The following PLVAP variants were observed in gnomAD, a reference collection of about 807,000 sequenced individuals.
PLVAP encodes plasmalemma vesicle-associated protein.
A neutral mutation model predicts 43.1 loss-of-function variants in PLVAP; 34 were observed. The ratio of observed to expected loss-of-function variants is 0.79; its 90% CI spans 0.60 to 1.05. The LOEUF (loss-of-function observed/expected upper bound fraction) is 1.05. Among genes scored for constraint, PLVAP ranks in the 50% least tolerant of loss-of-function variants. PLVAP has a pLI of 0.00. For missense variants in PLVAP, 574 were observed against 593.4 expected (o/e 0.97, Z 0.34); for synonymous variants, 241 against 237.3 (o/e 1.02, Z -0.14).
intron 5 of PLVAP, among the ~76,000 whole-genome samples, chr19:17,358,279 AAAG>A (rs1209903611): frequency 5.3e-5 from 8 of 149,762 alleles, no homozygotes; most frequent in East Asian, 1.9e-4. Context: ...AAAAAAAAAA[AAAG>A]AAGAAGAGGT....
Position 17,355,225 on chromosome 19 carries a change from A to AAATTAATAAT in PLVAP, c.1323-2858_1323-2857insATTATTAATT, listed in dbSNP as rs201326616. Among the ~76,000 whole-genome samples the AAATTAATAAT allele has an allele frequency of 5.0e-5, 7 of 139,544 alleles. No individual in the cohort carries two copies. The East Asian group carries it at 8.1e-4, about 16-fold the overall frequency. 91.5% of individuals were successfully genotyped at this position (139,544 alleles called of 152,430 possible). ...GGTGGCAGAGTGAGACTCCATCTCAAAATAATAATAATAATAATAATAATA... is the reference window on the plus strand; with the variant it reads ...GGTGGCAGAGTGAGACTCCATCTCAAAATTAATAATAATAATAATAATAATAATAATAATA... On this transcript the variant is annotated intron_variant, in intron 5 of 5. Transcript: ENST00000252590.
intron 5 of PLVAP, among the ~76,000 whole-genome samples, chr19:17,355,261 T>TAATAATAATAATAATAAA (rs1397143366): frequency 7.5e-5 from 11 of 145,886 alleles, no homozygotes; most frequent in African/African-American, 2.5e-4. Context: ...ATAATAATAA[T>TAATAATAATAATAATAAA]AAAATAAATA....
intron 1 of PLVAP, among the ~76,000 whole-genome samples, chr19:17,372,646 C>A (rs1291897949): frequency 6.7e-6 from 1 of 149,304 alleles, no homozygotes; most frequent in Non-Finnish European, 1.5e-5. Context: ...TTAGTAGAGA[C>A]GGGGTTTCAC....
chr19:17,360,682 C>A, intron 4 of PLVAP, 73 bp from the exon 5 acceptor site: 3 of 1,579,098 alleles, frequency 1.9e-6, no homozygotes, highest in Non-Finnish European at 2.6e-6. Flanking sequence ...GATGGGCTGG[C>A]AGCCCAGGGG....
At chr19:17,353,107 G>A (rs2074492764) in intron 5 of PLVAP, among the ~76,000 whole-genome samples, 1 of 152,180 alleles carries the variant, frequency 6.6e-6, no homozygotes, top group Admixed American at 6.5e-5. Context: ...GTTTCCTGCT[G>A]GGGGAGGAGG....
intron 5 of PLVAP, among the ~76,000 whole-genome samples, chr19:17,355,593 AT>A (rs1445514705): frequency 1.3e-5 from 2 of 150,972 alleles, no homozygotes; most frequent in African/African-American, 2.4e-5. Flanking sequence ...CAGTGGTGCA[AT>A]CTCAGCTCAC....
At position 17,365,570 on chromosome 19, in the gene PLVAP, G is replaced by A; in HGVS notation, c.895C>T (p.Arg299Cys). The change falls in exon 3 of 6, where the codon CGC becomes TGC. Residue 299 changes from arginine to cysteine, a missense_variant. Physicochemically the swap from Arg to Cys is radical, Grantham distance 180. Coordinates refer to ENST00000252590, the MANE Select transcript of PLVAP (RefSeq NM_031310.3). The stretch of plus-strand genomic sequence containing the variant: ...TGGCGTTGGAGGTCTGAGTTCTCGC[G>A]GGCCACGCGTTCGATATCCGCCCGG... ...SLRADIERVA[R>C]ENSDLQRQKL... The A allele has an allele frequency of 9.3e-6, 15 of 1,612,070 alleles. No individual in the cohort carries two copies. The highest frequency in any genetic ancestry group is 1.2e-5 in the Non-Finnish European group (14 of 1,180,006).
At chr19:17,357,767 A>G (rs968425105) in intron 5 of PLVAP, among the ~76,000 whole-genome samples, 12 of 152,218 alleles carry the variant, frequency 7.9e-5, no homozygotes, top group African/African-American at 2.7e-4. Flanking sequence ...GGCCTCTCTC[A>G]GGGGAAGGCG....
At chr19:17,366,705 C>T (rs1490539325) in intron 1 of PLVAP, among the ~76,000 whole-genome samples, 1 of 150,668 alleles carries the variant, frequency 6.6e-6, no homozygotes, top group East Asian at 2.0e-4. Flanking sequence ...AATCTTGGCT[C>T]ACCACAACCT....
At chr19:17,373,467 G>C (rs1447865339) in intron 1 of PLVAP, among the ~76,000 whole-genome samples, 1 of 152,046 alleles carries the variant, frequency 6.6e-6, no homozygotes, top group Non-Finnish European at 1.5e-5. Context: ...AGTGCGGACG[G>C]CTGGGTGGTC....
chr19:17,371,174 A>G (rs1234120360), intron 1 of PLVAP, among the ~76,000 whole-genome samples: 1 of 151,490 alleles, frequency 6.6e-6, no homozygotes, highest in Admixed American at 6.6e-5. Context: ...TATTATTATT[A>G]TTATTGAGAT....
In PLVAP at chr19:17,356,237, G is replaced by A. The variant is rs149422084; in HGVS notation, c.1323-3869C>T. ...AGGCATGAGAATCGCTTGAACCCGG[G>A]AGACAGAGGTTTCAGTGAGCAGAGA... is the stretch of plus-strand genomic sequence containing the variant. On this transcript the variant is annotated intron_variant, in intron 5 of 5. Coordinates refer to ENST00000252590, the MANE Select transcript of PLVAP (RefSeq NM_031310.3). Among the ~76,000 whole-genome samples the A allele has an allele frequency of 2.4e-3, 367 of 152,286 alleles. 1 individual carries two copies. The highest frequency in any genetic ancestry group is 8.3e-3 in the African/African-American group (347 of 41,566).
intron 1 of PLVAP, among the ~76,000 whole-genome samples, chr19:17,374,285 T>A (rs1173330649): frequency 1.3e-5 from 2 of 152,026 alleles, no homozygotes; most frequent in Non-Finnish European, 2.9e-5. Context: ...GCTAACACAG[T>A]GAAACCCGGT....
chr19:17,358,651 G>A (rs1449784073), intron 5 of PLVAP, among the ~76,000 whole-genome samples: 2 of 152,208 alleles, frequency 1.3e-5, no homozygotes, highest in Non-Finnish European at 2.9e-5. Context: ...TCTGGGAGGA[G>A]GCAGGGGGCA....
intron 1 of PLVAP, among the ~76,000 whole-genome samples, chr19:17,367,855 G>A (rs1386983386): frequency 6.6e-6 from 1 of 151,906 alleles, no homozygotes; most frequent in Non-Finnish European, 1.5e-5. Flanking sequence ...TGTATCCCCA[G>A]TACCTGAGAA....
In PLVAP at chr19:17,377,238, G is replaced by A. The variant is rs1007232595; in HGVS notation, c.51C>T (p.Ser17=). The change falls in exon 1 of 6, where the codon AGC becomes AGT. Residue 17 remains serine, a synonymous_variant. Transcript: ENST00000252590. Reference sequence around the variant, plus strand: ...GCAGGTAATACCAGCAGCCCCGAGAGCTGCCCCCCGCCCGAGCGTAGGACC... The same window carrying A: ...GCAGGTAATACCAGCAGCCCCGAGAACTGCCCCCCGCCCGAGCGTAGGACC... ...HGGSYARAGG[S]SRGCWYYLRY... 5 of 1,614,118 alleles carry A rather than the reference G, an allele frequency of 3.1e-6. No individual in the cohort carries two copies. The highest frequency in any genetic ancestry group is 3.3e-4 in the Middle Eastern group (2 of 6,062).
At chr19:17,369,269 TC>T (rs2074562321) in intron 1 of PLVAP, among the ~76,000 whole-genome samples, 2 of 151,338 alleles carry the variant, frequency 1.3e-5, no homozygotes, top group African/African-American at 4.8e-5. Context: ...CACTGTAACC[TC>T]CGTCTCCCGG....
At chr19:17,361,819 C>T (rs935707111) in intron 3 of PLVAP, among the ~76,000 whole-genome samples, 1 of 152,012 alleles carries the variant, frequency 6.6e-6, no homozygotes, top group Admixed American at 6.6e-5. Context: ...CCCGTAATCC[C>T]AACACTTTGG....
intron 2 of PLVAP, 37 bp from the exon 3 acceptor site, chr19:17,366,035 G>A: frequency 6.2e-7 from 1 of 1,611,572 alleles, no homozygotes; most frequent in Non-Finnish European, 8.5e-7. Context: ...AGGAAGATTG[G>A]GGGCTGCCGA....
Sources: allele counts gnomAD v4.1 joint callset (sites outside exome capture counted in the v4.1 genomes callset), GRCh38; gene constraint gnomAD v4.1.1; transcripts MANE v1.5; gene names NCBI Gene and HGNC (gene_info 2026-07-23, HGNC 2026-07-21).